UVRAG: variants seen among roughly 807,000 people sequenced by gnomAD.
UVRAG encodes UV radiation resistance-associated gene protein.
In UVRAG, 19 loss-of-function variants were observed where a neutral mutation model predicts 78.0. That is an observed-to-expected ratio of 0.24 (90% CI 0.17 to 0.36). The LOEUF (loss-of-function observed/expected upper bound fraction) is 0.36. Among genes scored for constraint, UVRAG ranks in the 10% least tolerant of loss-of-function variants. UVRAG has a pLI of 1.00. For missense variants in UVRAG, 740 were observed against 853.8 expected (o/e 0.87, Z 1.66); for synonymous variants, 323 against 324.6 (o/e 1.00, Z 0.05).
At position 76,085,844 on chromosome 11, in the gene UVRAG, C is replaced by G. The variant is rs111629697; in HGVS notation, c.1305+20056C>G. Among the ~76,000 whole-genome samples the G allele has an allele frequency of 6.9e-3, 1,058 of 152,242 alleles. 17 individuals carry two copies. The highest frequency in any genetic ancestry group is 0.024 in the African/African-American group (1,013 of 41,530). On this transcript the variant is annotated intron_variant, in intron 13 of 14. Coordinates refer to ENST00000356136, the MANE Select transcript of UVRAG (RefSeq NM_003369.4). Reference sequence around the variant, plus strand: ...CAGGTTTGTCATTGTCATATTTCCACGTCCTTTTCCATGTGTGTTTTTCAC... The same window carrying G: ...CAGGTTTGTCATTGTCATATTTCCAGGTCCTTTTCCATGTGTGTTTTTCAC...
chr11:76,026,044 C>T (rs1450804674), intron 12 of UVRAG, among the ~76,000 whole-genome samples: 1 of 152,106 alleles, frequency 6.6e-6, no homozygotes, highest in Non-Finnish European at 1.5e-5. Context: ...TTCCTTATCT[C>T]TGTATTCCCT....
Position 75,815,283 on chromosome 11 carries a change from C to A in UVRAG, c.-125C>A. On this transcript the variant is annotated 5_prime_UTR_variant, in exon 1 of 15. It adds an upstream start codon to the 5' untranslated region. Transcript: ENST00000356136. ...GCAGCGGCGGCGGCTACTGTCTGGG[C>A]TGAGCAGTAGTGCCTCTCGGGTGGC... The A allele has an allele frequency of 1.9e-6, 1 of 512,876 alleles. No individual in the cohort carries two copies. The highest frequency in any genetic ancestry group is 2.0e-5 in the African/African-American group (1 of 50,334). The allele number at this position is 512,876 out of a possible 1,614,324, so 31.8% of individuals were successfully genotyped here.
chr11:76,081,028 C>T (rs2134409525), intron 13 of UVRAG, among the ~76,000 whole-genome samples: 1 of 152,296 alleles, frequency 6.6e-6, no homozygotes. Flanking sequence ...ATTTCTGTGT[C>T]TGTCCCCATT....
Position 75,852,017 on chromosome 11 carries a change from C to A in UVRAG, c.235+17C>A. On this transcript the variant is annotated intron_variant, in intron 2 of 14. Transcript: ENST00000356136. ...TATATAAAGGTAAGGGGATCTGTGG[C>A]CTTACTACCCACAGATTGTTATATT... 2 of 1,478,868 alleles carry A rather than the reference C, an allele frequency of 1.4e-6. No homozygotes were observed. Among genetic ancestry groups the A allele is most frequent in the Non-Finnish European group, 1.9e-6 (2 of 1,076,978 alleles). The allele number at this position is 1,478,868 out of a possible 1,614,324, so 91.6% of individuals were successfully genotyped here. A position where few individuals can be genotyped will look rare whatever the true frequency, so the allele number is the denominator to read the frequency against.
In UVRAG at chr11:76,128,880, G is replaced by A. The variant is rs961106549; in HGVS notation, c.1398-11831G>A. Among the ~76,000 whole-genome samples, 10 of 152,252 alleles carry A rather than the reference G, an allele frequency of 6.6e-5. 4 individuals carry two copies. ...CTGGATCCATCTGAGGAAATGCCTT[G>A]TGTTTTAATTTTAAAGAGTTTAAAT... On this transcript the variant is annotated intron_variant, in intron 14 of 14. Coordinates refer to ENST00000356136, the MANE Select transcript of UVRAG (RefSeq NM_003369.4).
intron 2 of UVRAG, among the ~76,000 whole-genome samples, chr11:75,861,406 G>A (rs549565107): frequency 1.3e-5 from 2 of 152,262 alleles, no homozygotes; most frequent in East Asian, 1.9e-4. Context: ...AAAACAGAGC[G>A]GATGGAGTCA....
At chr11:76,034,386 ATGAGTTCTCCC>A (rs1354422420) in intron 12 of UVRAG, among the ~76,000 whole-genome samples, 6 of 152,140 alleles carry the variant, frequency 3.9e-5, no homozygotes, top group African/African-American at 1.4e-4. Context: ...TTTTGTAGAG[ATGAGTTCTCCC>A]TGTGTTGCCC....
chr11:75,988,774 G>A (rs1393297616), intron 8 of UVRAG, among the ~76,000 whole-genome samples: 1 of 151,960 alleles, frequency 6.6e-6, no homozygotes, highest in Middle Eastern at 3.2e-3. Context: ...GGTATGTAGT[G>A]GTTTCTCATT....
chr11:76,133,555 G>C (rs1952548578), intron 14 of UVRAG, among the ~76,000 whole-genome samples: 1 of 152,164 alleles, frequency 6.6e-6, no homozygotes, highest in Admixed American at 6.5e-5. Flanking sequence ...TTCATGGCAA[G>C]GTATTTGCAT....
intron 11 of UVRAG, among the ~76,000 whole-genome samples, chr11:76,012,734 G>A (rs1950072831): frequency 6.6e-6 from 1 of 151,352 alleles, no homozygotes; most frequent in African/African-American, 2.4e-5. Flanking sequence ...GGAGAAAAAT[G>A]TCCAGTGAAG....
intron 5 of UVRAG, among the ~76,000 whole-genome samples, chr11:75,899,386 A>G (rs1182973840): frequency 1.3e-5 from 2 of 152,034 alleles, no homozygotes; most frequent in Admixed American, 1.3e-4. Flanking sequence ...GCCAGTTTTC[A>G]TTTACTGAGT....
chr11:75,837,196 A>G (rs754708409), intron 1 of UVRAG, among the ~76,000 whole-genome samples: 6 of 152,012 alleles, frequency 3.9e-5, no homozygotes, highest in Admixed American at 1.3e-4. Flanking sequence ...GCGTGGTGGC[A>G]GGCACCTGTA....
chr11:76,080,387 G>A (rs372578423), intron 13 of UVRAG, among the ~76,000 whole-genome samples: 1 of 152,134 alleles, frequency 6.6e-6, no homozygotes, highest in East Asian at 1.9e-4. Flanking sequence ...GGAGGGAAAA[G>A]ACTGCCTGGT....
chr11:76,073,370 G>A (rs1951350294), intron 13 of UVRAG, among the ~76,000 whole-genome samples: 1 of 152,044 alleles, frequency 6.6e-6, no homozygotes, highest in African/African-American at 2.4e-5. Context: ...TAAGTATTTG[G>A]CAAACATTTT....
intron 6 of UVRAG, among the ~76,000 whole-genome samples, chr11:75,938,098 C>CATAT (rs1047827705): frequency 4.0e-4 from 61 of 151,384 alleles, no homozygotes; most frequent in African/African-American, 1.5e-3. Context: ...CACACACACA[C>CATAT]ATATATATAT....
At chr11:75,853,917 T>C (rs1946222344) in intron 2 of UVRAG, among the ~76,000 whole-genome samples, 1 of 151,502 alleles carries the variant, frequency 6.6e-6, no homozygotes, top group South Asian at 2.1e-4. Flanking sequence ...GGATTACAGG[T>C]GCCTGCCACC....
intron 13 of UVRAG, among the ~76,000 whole-genome samples, chr11:76,081,246 C>A (rs182075760): frequency 2.1e-4 from 32 of 151,986 alleles, no homozygotes; most frequent in African/African-American, 7.2e-4. Context: ...CGCTCTGTTG[C>A]CCAGGCTGGA....
chr11:75,997,052 A>G (rs1457229451), intron 8 of UVRAG, among the ~76,000 whole-genome samples: 2 of 152,240 alleles, frequency 1.3e-5, no homozygotes, highest in Non-Finnish European at 2.9e-5. Context: ...TATATTAAAT[A>G]TCATAATGAA....
At chr11:76,092,801 T>C (rs1217013667) in intron 13 of UVRAG, among the ~76,000 whole-genome samples, 1 of 152,230 alleles carries the variant, frequency 6.6e-6, no homozygotes, top group African/African-American at 2.4e-5. Context: ...TTCACTCTGA[T>C]GATAGTTTCT....
Sources: allele counts gnomAD v4.1 joint callset (sites outside exome capture counted in the v4.1 genomes callset), GRCh38; gene constraint gnomAD v4.1.1; transcripts MANE v1.5; gene names NCBI Gene and HGNC (gene_info 2026-07-23, HGNC 2026-07-21).